MAGI2: variants seen among roughly 807,000 people sequenced by gnomAD.
MAGI2 encodes the protein membrane associated guanylate kinase, WW and PDZ domain containing 2, also known as membrane-associated guanylate kinase, WW and PDZ domain-containing protein 2.
MAGI2 carries 35 observed loss-of-function variants against 133.3 expected under a neutral mutation model. The observed-to-expected ratio is 0.26, with a 90% confidence interval of 0.20 to 0.35. The LOEUF (loss-of-function observed/expected upper bound fraction) is 0.35. Ranked by LOEUF, MAGI2 falls within the 10% of genes least tolerant of loss-of-function variation. The pLI is 1.00. For missense variants in MAGI2, 1,636 were observed against 1,863.4 expected (o/e 0.88, Z 2.25); for synonymous variants, 729 against 710.6 (o/e 1.03, Z -0.41).
chr7:78,021,939 C>G (rs1185082529), intron 21 of MAGI2, among the ~76,000 whole-genome samples: 1 of 152,192 alleles, frequency 6.6e-6, no homozygotes, highest in Non-Finnish European at 1.5e-5. Context: ...TGTACCCCAC[C>G]TGCTGCCTAC....
At chr7:78,809,830 G>A (rs1788889816) in intron 2 of MAGI2, among the ~76,000 whole-genome samples, 1 of 152,224 alleles carries the variant, frequency 6.6e-6, no homozygotes, top group South Asian at 2.1e-4. Flanking sequence ...TAAACAGATT[G>A]TTTGGCATAA....
At chr7:78,780,861 T>A (rs113908296) in intron 2 of MAGI2, among the ~76,000 whole-genome samples, 40 of 152,334 alleles carry the variant, frequency 2.6e-4, no homozygotes, top group African/African-American at 8.7e-4. Context: ...ACATAACTGC[T>A]GGAATTCCTC....
intron 1 of MAGI2, among the ~76,000 whole-genome samples, chr7:79,343,650 T>G (rs1841079540): frequency 1.3e-5 from 2 of 152,154 alleles, no homozygotes; most frequent in Non-Finnish European, 2.9e-5. Flanking sequence ...AAAATTCCAC[T>G]ACCTGTAATT....
intron 1 of MAGI2, chr7:79,008,756 T>TA (rs1807735060): frequency 6.6e-6 from 1 of 152,196 alleles, no homozygotes; most frequent in African/African-American, 2.4e-5. Flanking sequence ...TTGCAACAAT[T>TA]ACCTATTATT....
chr7:79,075,689 A>G lies in MAGI2; in HGVS notation c.302-68483T>C, dbSNP rs1391622258. On this transcript the variant is annotated intron_variant, in intron 1 of 21. Coordinates refer to ENST00000354212, the MANE Select transcript of MAGI2 (RefSeq NM_012301.4). ...GAGGTGGGGAGTATGACTTGAACCC[A>G]GGAAGTGGAGGTTGCAGTGAGCTGA... Among the ~76,000 whole-genome samples the G allele has an allele frequency of 2.0e-5, 3 of 152,124 alleles. No homozygotes were observed. In the East Asian group the frequency reaches 5.8e-4, roughly 29 times the overall value.
intron 9 of MAGI2, among the ~76,000 whole-genome samples, chr7:78,263,179 T>C (rs1404100257): frequency 1.3e-5 from 2 of 152,214 alleles, no homozygotes; most frequent in Non-Finnish European, 2.9e-5. Flanking sequence ...TAGTATTCCA[T>C]GGCATTATAT....
chr7:79,216,747 T>C (rs931510756), intron 1 of MAGI2, among the ~76,000 whole-genome samples: 1 of 152,186 alleles, frequency 6.6e-6, no homozygotes, highest in South Asian at 2.1e-4. Flanking sequence ...ATAACTTTTT[T>C]CCTAATCCCT....
intron 6 of MAGI2, among the ~76,000 whole-genome samples, chr7:78,376,762 T>C (rs1174830429): frequency 6.6e-6 from 1 of 152,092 alleles, no homozygotes; most frequent in East Asian, 1.9e-4. Context: ...GACATCTATG[T>C]ATTTGAGATG....
At chr7:78,386,237 C>T (rs1795379259) in intron 6 of MAGI2, among the ~76,000 whole-genome samples, 1 of 152,114 alleles carries the variant, frequency 6.6e-6, no homozygotes. Flanking sequence ...TTACTCTCTC[C>T]ATACAGCATA....
rs140130161 is a variant in MAGI2, at chr7:79,113,503, A to G, written c.302-106297T>C. 2.7e-3 allele frequency among the ~76,000 whole-genome samples: 408 copies of G among 152,304 alleles called. 2 individuals carry two copies. The highest frequency in any genetic ancestry group is 8.8e-3 in the African/African-American group (366 of 41,566). On this transcript the variant is annotated intron_variant, in intron 1 of 21. Transcript: ENST00000354212. ...GTTTTGCTGTCTGTACTTAAACTGA[A>G]TAACAGATGCAAAGTGATCAGTCAC... is the stretch of plus-strand genomic sequence containing the variant.
chr7:79,421,938 T>C (rs142801630), intron 1 of MAGI2, among the ~76,000 whole-genome samples: 15 of 152,032 alleles, frequency 9.9e-5, no homozygotes, highest in Non-Finnish European at 1.8e-4. Context: ...TCTGAACTCA[T>C]GCAGCTTTCA....
At chr7:79,440,832 C>A (rs1298940994) in intron 1 of MAGI2, among the ~76,000 whole-genome samples, 1 of 152,152 alleles carries the variant, frequency 6.6e-6, no homozygotes, top group African/African-American at 2.4e-5. Flanking sequence ...TTCAGCAGTT[C>A]TTTAAGGAGC....
Position 79,087,050 on chromosome 7 carries a change from T to C in MAGI2, c.302-79844A>G, listed in dbSNP as rs114206676. Reference sequence around the variant, plus strand: ...TATACTCTACCATTTCCCTCAGAGTTCTTTGTTAATAAAGAAAATTAATCA... The same window carrying C: ...TATACTCTACCATTTCCCTCAGAGTCCTTTGTTAATAAAGAAAATTAATCA... On this transcript the variant is annotated intron_variant, in intron 1 of 21. Coordinates refer to ENST00000354212, the MANE Select transcript of MAGI2 (RefSeq NM_012301.4). Among the ~76,000 whole-genome samples the C allele has an allele frequency of 4.5e-3, 688 of 151,906 alleles. 5 individuals are homozygous for C. Among genetic ancestry groups the C allele is most frequent in the African/African-American group, 0.016 (666 of 41,514 alleles).
At chr7:78,765,226 T>A (rs1332166795) in intron 2 of MAGI2, among the ~76,000 whole-genome samples, 1 of 152,098 alleles carries the variant, frequency 6.6e-6, no homozygotes, top group Non-Finnish European at 1.5e-5. Flanking sequence ...GCCAACCCAG[T>A]GAAGAGAATT....
At chr7:78,581,028 A>C (rs1376259340) in intron 3 of MAGI2, among the ~76,000 whole-genome samples, 1 of 152,182 alleles carries the variant, frequency 6.6e-6, no homozygotes, top group Non-Finnish European at 1.5e-5. Context: ...TATGATGGTG[A>C]GTGACTAGGG....
intron 1 of MAGI2, chr7:79,011,112 A>C (rs1167156908): frequency 6.6e-6 from 1 of 152,152 alleles, no homozygotes; most frequent in Non-Finnish European, 1.5e-5. Context: ...CTGGGCTTAG[A>C]ACAATGGTGG....
At chr7:79,215,007 C>G (rs1039242151) in intron 1 of MAGI2, among the ~76,000 whole-genome samples, 1 of 149,850 alleles carries the variant, frequency 6.7e-6, no homozygotes, top group African/African-American at 2.5e-5. Flanking sequence ...ATTTCTAAAC[C>G]AAAAATAAAA....
intron 4 of MAGI2, among the ~76,000 whole-genome samples, chr7:78,502,289 C>T (rs1037060155): frequency 3.3e-5 from 5 of 152,236 alleles, no homozygotes. Context: ...GGAGAATTGA[C>T]TACTAAATCA....
At chr7:78,180,281 C>A (rs1357837337) in intron 13 of MAGI2, among the ~76,000 whole-genome samples, 2 of 152,196 alleles carry the variant, frequency 1.3e-5, no homozygotes, top group Non-Finnish European at 2.9e-5. Flanking sequence ...CTTCCAGTGA[C>A]TTCAGCACCC....
Sources: gnomAD v4.1 joint callset for allele counts (sites outside exome capture counted in the v4.1 genomes callset) on GRCh38, gnomAD v4.1.1 for gene constraint, MANE v1.5 for transcripts, NCBI Gene and HGNC (gene_info 2026-07-23, HGNC 2026-07-21) for gene names.